Variants in LYST observed in about 807,000 individuals in gnomAD.
LYST encodes lysosomal-trafficking regulator.
In LYST, 192 loss-of-function variants were observed where a neutral mutation model predicts 413.6. The ratio of observed to expected loss-of-function variants is 0.46; its 90% CI spans 0.41 to 0.52. The LOEUF (loss-of-function observed/expected upper bound fraction) is 0.52, where lower values mean the gene tolerates loss of function less well. Among genes scored for constraint, LYST ranks in the 20% least tolerant of loss-of-function variants. LYST has a pLI of 0.00. For synonymous variants in LYST, 1,525 were observed against 1,567.3 expected (o/e 0.97, Z 0.64); for missense variants, 3,815 against 4,499.9 (o/e 0.85, Z 4.35).
chr1:235,733,713 C>T, intron 33 of LYST, 22 bp from the exon 34 acceptor site: 1 of 1,593,734 alleles, frequency 6.3e-7, no homozygotes, highest in Non-Finnish European at 8.6e-7. Context: ...ATAAGATTGT[C>T]CATAGTTAAG....
chr1:235,742,457 A>G (rs926704506), intron 30 of LYST, among the ~76,000 whole-genome samples: 1 of 144,930 alleles, frequency 6.9e-6, no homozygotes. Flanking sequence ...TCCATCTCAG[A>G]AAAAAAAAAA....
At chr1:235,754,069 G>A (rs993469555) in intron 25 of LYST, among the ~76,000 whole-genome samples, 1 of 151,906 alleles carries the variant, frequency 6.6e-6, no homozygotes, top group African/African-American at 2.4e-5. Flanking sequence ...TTCTACCAGG[G>A]TCAAAACTCA....
chr1:235,811,538 CT>C (rs1268454530), intron 4 of LYST, among the ~76,000 whole-genome samples: 3 of 152,126 alleles, frequency 2.0e-5, no homozygotes, highest in Non-Finnish European at 4.4e-5. Flanking sequence ...TAGATAGGGC[CT>C]GGCGTATGGT....
At chr1:235,871,480 A>G (rs1439433839), upstream of LYST, among the ~76,000 whole-genome samples, 2 of 152,254 alleles carry the variant, frequency 1.3e-5, no homozygotes, top group Non-Finnish European at 2.9e-5. Context: ...CTTTAAGAAC[A>G]AAAAGCATTC....
Position 235,724,084 on chromosome 1 carries a change from C to T in LYST, c.9259G>A (p.Val3087Ile). Residue 3087 changes from valine (V) to isoleucine (I), a missense_variant, in exon 39 of 53, where the codon GTA (valine) becomes ATA (isoleucine). Val to Ile is a conservative substitution (Grantham distance 29, BLOSUM62 3). Around this residue, in one of 4 missense-constraint regions of LYST, gnomAD observed 866 missense variants for 1,156.0 expected, o/e 0.75. Transcript: ENST00000389793. ...CTGCCATTTGTTAGAAAGATTTCTA[C>T]AGCATTATCTCTCAATTGCCACCAA... ...KRWWQLRDNA[V>I]EIFLTNGRTL... 6.2e-7 allele frequency: 1 copy of T among 1,613,462 alleles called. No individual in the cohort carries two copies. The highest frequency in any genetic ancestry group is 1.1e-5 in the South Asian group (1 of 91,066).
chr1:235,819,868 G>A (rs1023988135), intron 3 of LYST, among the ~76,000 whole-genome samples: 2 of 152,014 alleles, frequency 1.3e-5, no homozygotes, highest in Admixed American at 6.6e-5. Flanking sequence ...GGATGGTCTC[G>A]ATCTCCTGAC....
At chr1:235,875,902 A>G (rs1459608501) in intron 1 of LYST, among the ~76,000 whole-genome samples, 1 of 152,124 alleles carries the variant, frequency 6.6e-6, no homozygotes, top group Admixed American at 6.5e-5. Flanking sequence ...TTCCTTATTT[A>G]TGAGTTAAGA....
intron 1 of LYST, among the ~76,000 whole-genome samples, chr1:235,846,386 T>G (rs2103074149): frequency 6.6e-6 from 1 of 152,232 alleles, no homozygotes; most frequent in African/African-American, 2.4e-5. Context: ...TCTTCAGCCC[T>G]AGACCTTCCC....
At chr1:235,667,952 T>A (rs1571954804) in intron 50 of LYST, among the ~76,000 whole-genome samples, 1 of 152,154 alleles carries the variant, frequency 6.6e-6, no homozygotes, top group East Asian at 1.9e-4. Flanking sequence ...ATAGCCACCG[T>A]GCCTGGCCTC....
chr1:235,806,738 C>T lies in LYST; in HGVS notation c.2398G>A (p.Val800Ile). Residue 800 changes from valine to isoleucine, a missense_variant, in exon 6 of 53, where the codon GTA becomes ATA. Val to Ile is a conservative substitution (Grantham distance 29, BLOSUM62 3). This residue lies in a region of LYST where 1,648 missense variants were observed against 1,810.3 expected (regional missense o/e 0.91). Transcript: ENST00000389793. ...CAATTTAATTCGATTATTTGACTTACTCCATTACAACTCAAAAACAAATCT... is the reference window on the plus strand; with the variant it reads ...CAATTTAATTCGATTATTTGACTTATTCCATTACAACTCAAAAACAAATCT... ...IRDLFLSCNG[V>I]SQIIELNCLN... 1.9e-6 allele frequency: 3 copies of T among 1,612,992 alleles called. No homozygotes were observed. The highest frequency in any genetic ancestry group is 2.5e-6 in the Non-Finnish European group (3 of 1,179,166).
At chr1:235,810,627 T>A in intron 4 of LYST, 93 bp from the exon 5 acceptor site, 1 of 1,133,966 alleles carries the variant, frequency 8.8e-7, no homozygotes, top group Non-Finnish European at 1.3e-6. Context: ...TTAAACCCAC[T>A]AAAGGAGTTT....
At chr1:235,675,468 G>A (rs1347865438) in intron 50 of LYST, among the ~76,000 whole-genome samples, 11 of 152,208 alleles carry the variant, frequency 7.2e-5, no homozygotes, top group Admixed American at 3.9e-4. Flanking sequence ...ACGATCGGTC[G>A]GTCGGACGCA....
At chr1:235,874,943 C>T (rs1290850241) in intron 1 of LYST, among the ~76,000 whole-genome samples, 1 of 152,226 alleles carries the variant, frequency 6.6e-6, no homozygotes, top group African/African-American at 2.4e-5. Flanking sequence ...GCCCAGGCTC[C>T]TCCTCCAACC....
Position 235,737,916 on chromosome 1 carries a change from AG to A in LYST, c.8359-3258del. On this transcript the variant is annotated intron_variant, in intron 31 of 52. Coordinates refer to ENST00000389793, the MANE Select transcript of LYST (RefSeq NM_000081.4). ...GAAGGTGCTGGAGCCGCTGCCGACG[AG>A]TCTGGATCTCACTGCCGCGTGCCCC... The A allele has an allele frequency of 2.7e-5, 31 of 1,163,390 alleles. No individual in the cohort carries two copies. The South Asian group carries it at 2.7e-4, about 10-fold the overall frequency. The allele number at this position is 1,163,390 out of a possible 1,614,324, so 72.1% of individuals were successfully genotyped here.
chr1:235,843,804 A>G (rs1441368610), intron 1 of LYST, among the ~76,000 whole-genome samples: 1 of 152,236 alleles, frequency 6.6e-6, no homozygotes, highest in Non-Finnish European at 1.5e-5. Flanking sequence ...TTATTCTTAT[A>G]GGTTGATTAG....
At chr1:235,825,312 C>G (rs985992576) in intron 3 of LYST, among the ~76,000 whole-genome samples, 1 of 152,152 alleles carries the variant, frequency 6.6e-6, no homozygotes, top group African/African-American at 2.4e-5. Context: ...GGTCCACTTT[C>G]ACTACTTCCA....
intron 40 of LYST, 73 bp from the exon 41 acceptor site, chr1:235,716,851 T>A (rs777212992): frequency 2.8e-5 from 24 of 849,362 alleles, no homozygotes; most frequent in Non-Finnish European, 4.6e-5. Flanking sequence ...GATGTCTGCA[T>A]CTTGTAAGTA....
intron 1 of LYST, among the ~76,000 whole-genome samples, chr1:235,872,278 G>A (rs904139737): frequency 4.2e-5 from 6 of 143,510 alleles, no homozygotes; most frequent in African/African-American, 1.3e-4. Flanking sequence ...CCCAGGCAAC[G>A]GAGTGACATT....
chr1:235,670,638 T>C (rs1055036053), intron 50 of LYST, among the ~76,000 whole-genome samples: 1 of 152,192 alleles, frequency 6.6e-6, no homozygotes, highest in Admixed American at 6.5e-5. Flanking sequence ...AGTAATTCTG[T>C]GCACAGACCA....
Sources: allele counts gnomAD v4.1 joint callset (sites outside exome capture counted in the v4.1 genomes callset), GRCh38; gene constraint gnomAD v4.1.1; regional missense constraint gnomAD v4.1.1; transcripts MANE v1.5; gene names NCBI Gene and HGNC (gene_info 2026-07-23, HGNC 2026-07-21).